Variants in EYS observed in about 807,000 individuals in gnomAD.
The protein encoded by EYS is protein eyes shut homolog.
A neutral mutation model predicts 282.1 loss-of-function variants in EYS; 250 were observed. The observed-to-expected ratio is 0.89, with a 90% CI of 0.80 to 0.98. The LOEUF is 0.98. Ranked by LOEUF, EYS falls within the 50% of genes least tolerant of loss-of-function variation. The probability of loss-of-function intolerance (pLI) is 0.00; values close to 1 mark genes in which losing one functional copy is unlikely to be tolerated. For synonymous variants in EYS, 1,355 were observed against 1,282.9 expected (o/e 1.06, Z -1.20); for missense variants, 4,016 against 3,709.0 (o/e 1.08, Z -2.15).
intron 22 of EYS, among the ~76,000 whole-genome samples, chr6:64,648,896 G>A (rs1269113281): frequency 6.6e-6 from 1 of 152,134 alleles, no homozygotes; most frequent in African/African-American, 2.4e-5. Context: ...ATTTACCAAG[G>A]TTATATAATT....
intron 19 of EYS, among the ~76,000 whole-genome samples, chr6:64,839,367 T>C (rs1322794298): frequency 6.6e-6 from 1 of 152,058 alleles, no homozygotes; most frequent in African/African-American, 2.4e-5. Context: ...CAAAATTTCA[T>C]TACATGGTCT....
chr6:64,411,267 A>T (rs1773881332), intron 28 of EYS, among the ~76,000 whole-genome samples: 1 of 152,146 alleles, frequency 6.6e-6, no homozygotes, highest in South Asian at 2.1e-4. Flanking sequence ...ACAGCATCAT[A>T]TAACACCATA....
At chr6:64,722,085 T>A (rs1445531092) in intron 22 of EYS, among the ~76,000 whole-genome samples, 1 of 152,092 alleles carries the variant, frequency 6.6e-6, no homozygotes, top group African/African-American at 2.4e-5. Context: ...TACAGTAGAA[T>A]AGAAGTAGCT....
At chr6:65,629,538 A>G (rs1447114335) in intron 2 of EYS, among the ~76,000 whole-genome samples, 1 of 152,186 alleles carries the variant, frequency 6.6e-6, no homozygotes, top group Admixed American at 6.5e-5. Context: ...CGAAAACCCC[A>G]CATGAGAACT....
chr6:64,791,663 T>A (rs1007979994), intron 22 of EYS, among the ~76,000 whole-genome samples: 3 of 151,916 alleles, frequency 2.0e-5, no homozygotes, highest in African/African-American at 4.8e-5. Context: ...ATTTTTGTAT[T>A]GTTTTGCATT....
Position 64,593,136 on chromosome 6 carries a change from G to A in EYS, c.3858C>T (p.Asp1286=), listed in dbSNP as rs374941270. 244 of 1,535,050 alleles carry A rather than the reference G, an allele frequency of 1.6e-4. No homozygotes were observed. The highest frequency in any genetic ancestry group is 1.9e-4 in the Non-Finnish European group (215 of 1,140,582). The change falls in exon 25 of 43, where the codon GAC becomes GAT. Residue 1286 remains aspartate, a synonymous_variant. Transcript: ENST00000503581. ...ACTTACCTTGATCAACTGGGTAAGT[G>A]TCCATTATGGCTGGTATTCTAGTAG... ...IKATRIPAIM[D]TYPVDQGPKQ...
At chr6:65,111,527 C>A (rs1775211171) in intron 12 of EYS, among the ~76,000 whole-genome samples, 1 of 152,080 alleles carries the variant, frequency 6.6e-6, no homozygotes, top group African/African-American at 2.4e-5. Flanking sequence ...ATCTTACAAA[C>A]CTTTATTTTG....
chr6:64,704,201 AT>A (rs1289673603), intron 22 of EYS, among the ~76,000 whole-genome samples: 1 of 151,312 alleles, frequency 6.6e-6, no homozygotes, highest in Admixed American at 6.6e-5. Context: ...TGTAAAAAAT[AT>A]ATCAGGAAAA....
intron 36 of EYS, among the ~76,000 whole-genome samples, chr6:63,814,026 T>C (rs934098367): frequency 2.6e-4 from 40 of 152,246 alleles, no homozygotes; most frequent in African/African-American, 9.6e-4. Context: ...CCTCTGTCTT[T>C]GTTCTTAACT....
rs534231546 is a variant in EYS, at chr6:64,450,524, G to A, written c.5645-11172C>T. On this transcript the variant is annotated intron_variant, in intron 26 of 42. Transcript: ENST00000503581. ...CAAGTAGACCTAATAGACATTTACA[G>A]AACTCTCCACCCCAAATCAACAGAA... 7.0e-4 allele frequency among the ~76,000 whole-genome samples: 106 copies of A among 152,210 alleles called. 3 individuals carry two copies. The South Asian group carries it at 0.02, about 29-fold the overall frequency.
At chr6:64,844,849 G>T (rs1459299113) in intron 19 of EYS, among the ~76,000 whole-genome samples, 1 of 151,902 alleles carries the variant, frequency 6.6e-6, no homozygotes, top group Admixed American at 6.6e-5. Flanking sequence ...CCATTATTTT[G>T]CTGTGATGTT....
At chr6:65,144,526 G>C (rs746333793) in intron 12 of EYS, among the ~76,000 whole-genome samples, 6 of 152,028 alleles carry the variant, frequency 3.9e-5, no homozygotes, top group Non-Finnish European at 8.8e-5. Flanking sequence ...CTGGGTTCTT[G>C]ATCCAAATAA....
intron 22 of EYS, among the ~76,000 whole-genome samples, chr6:64,772,263 C>T (rs1773548487): frequency 6.6e-6 from 1 of 151,606 alleles, no homozygotes; most frequent in South Asian, 2.1e-4. Context: ...CTTCATCTTC[C>T]ATATTGGTTG....
At chr6:64,498,416 A>G (rs1219554911) in intron 26 of EYS, among the ~76,000 whole-genome samples, 2 of 152,078 alleles carry the variant, frequency 1.3e-5, no homozygotes, top group African/African-American at 4.8e-5. Context: ...TCGGTTTAGT[A>G]TAAACAAGTC....
chr6:65,516,008 A>C (rs1767118697), intron 2 of EYS, among the ~76,000 whole-genome samples: 1 of 152,042 alleles, frequency 6.6e-6, no homozygotes, highest in Non-Finnish European at 1.5e-5. Context: ...TATGTAATCC[A>C]CATCCCCTAG....
At chr6:65,630,496 A>G (rs1172763984) in intron 2 of EYS, among the ~76,000 whole-genome samples, 2 of 152,202 alleles carry the variant, frequency 1.3e-5, no homozygotes, top group Admixed American at 6.5e-5. Flanking sequence ...CTCAATGTAA[A>G]TATTTTGACC....
At chr6:65,507,543 CCTT>C (rs746198233) in intron 2 of EYS, among the ~76,000 whole-genome samples, 28 of 152,024 alleles carry the variant, frequency 1.8e-4, no homozygotes, top group Non-Finnish European at 3.2e-4. Context: ...TCTTTCTTCT[CCTT>C]CTAATATTAC....
intron 10 of EYS, among the ~76,000 whole-genome samples, chr6:65,337,756 C>T (rs959662820): frequency 6.6e-6 from 1 of 150,710 alleles, no homozygotes; most frequent in Non-Finnish European, 1.5e-5. Flanking sequence ...TGTATTATTT[C>T]TGCACCTTAT....
Position 63,864,213 on chromosome 6 carries a change from C to A in EYS, c.7201G>T (p.Gly2401Trp). The change falls in exon 36 of 43, where the codon GGG becomes TGG. Residue 2401 changes from glycine to tryptophan, a missense_variant. Coordinates refer to ENST00000503581, the MANE Select transcript of EYS (RefSeq NM_001142800.2). Reference sequence around the variant, plus strand: ...TCAGTGCAGAGGGGTCCAGACCTCCCATATGGGCAGAGGCAGACAATATCT... The same window carrying A: ...TCAGTGCAGAGGGGTCCAGACCTCCAATATGGGCAGAGGCAGACAATATCT... ...GTDIVCLCPY[G>W]RSGPLCTDAI... The A allele has an allele frequency of 3.2e-6, 5 of 1,546,220 alleles. No homozygotes were observed. The highest frequency in any genetic ancestry group is 4.4e-6 in the Non-Finnish European group (5 of 1,143,502).
Sources: gnomAD v4.1 joint callset for allele counts (sites outside exome capture counted in the v4.1 genomes callset) on GRCh38, gnomAD v4.1.1 for gene constraint, MANE v1.5 for transcripts, NCBI Gene and HGNC (gene_info 2026-07-23, HGNC 2026-07-21) for gene names.